Variants in CSNK1G3 observed in about 807,000 individuals in gnomAD.
The protein encoded by CSNK1G3 is casein kinase I isoform gamma-3.
A neutral mutation model predicts 64.3 loss-of-function variants in CSNK1G3; 23 were observed. The observed-to-expected ratio is 0.36, with a 90% CI of 0.26 to 0.51. CSNK1G3 has a LOEUF of 0.51. Ranked by LOEUF, CSNK1G3 falls within the 20% of genes least tolerant of loss-of-function variation. The probability of loss-of-function intolerance (pLI) is 0.96; values close to 1 mark genes in which losing one functional copy is unlikely to be tolerated. For missense variants in CSNK1G3, 357 were observed against 510.5 expected (o/e 0.70, Z 2.90); for synonymous variants, 158 against 162.2 (o/e 0.97, Z 0.20).
chr5:123,567,747 T>C (rs970517405), intron 4 of CSNK1G3, among the ~76,000 whole-genome samples: 2 of 152,228 alleles, frequency 1.3e-5, no homozygotes, highest in Admixed American at 6.5e-5. Flanking sequence ...TTCCGTAATA[T>C]GGGTATGACA....
intron 6 of CSNK1G3, 41 bp from the exon 7 acceptor site, chr5:123,588,027 T>A (rs761799001): frequency 7.8e-7 from 1 of 1,285,746 alleles, no homozygotes; most frequent in Non-Finnish European, 1.1e-6. Flanking sequence ...CATTCTTAAC[T>A]GTTAGAGAAA....
intron 1 of CSNK1G3, among the ~76,000 whole-genome samples, chr5:123,525,816 AC>A (rs1778952119): frequency 6.6e-6 from 1 of 150,654 alleles, no homozygotes; most frequent in African/African-American, 2.4e-5. Flanking sequence ...ACATGGTGAA[AC>A]CCCGTCTCTA....
intron 6 of CSNK1G3, among the ~76,000 whole-genome samples, chr5:123,581,981 C>G (rs1179594836): frequency 1.3e-5 from 2 of 151,852 alleles, no homozygotes; most frequent in African/African-American, 2.4e-5. Context: ...GCCAACATGT[C>G]TTTTGGCCTC....
At chr5:123,528,785 T>G (rs1779462424) in intron 1 of CSNK1G3, among the ~76,000 whole-genome samples, 1 of 152,208 alleles carries the variant, frequency 6.6e-6, no homozygotes, top group African/African-American at 2.4e-5. Context: ...CCTCACCAAT[T>G]AGAATTTATT....
chr5:123,548,154 C>T lies in CSNK1G3; in HGVS notation c.178+2313C>T, dbSNP rs554145700. Among the ~76,000 whole-genome samples, 4 of 152,076 alleles carry T rather than the reference C, an allele frequency of 2.6e-5. No individual in the cohort carries two copies. The South Asian group carries it at 6.2e-4, about 24-fold the overall frequency. Reference sequence around the variant, plus strand: ...GAATACTGTCCCAGACATTGCAGGGCATTTAAAACTTGAGACTTGTGGTGC... The same window carrying T: ...GAATACTGTCCCAGACATTGCAGGGTATTTAAAACTTGAGACTTGTGGTGC... On this transcript the variant is annotated intron_variant, in intron 2 of 12. Coordinates refer to ENST00000345990, the Ensembl canonical transcript of CSNK1G3.
intron 10 of CSNK1G3, among the ~76,000 whole-genome samples, chr5:123,594,320 A>G (rs1384768094): frequency 6.6e-6 from 1 of 152,178 alleles, no homozygotes; most frequent in Non-Finnish European, 1.5e-5. Context: ...ATATTTGCCA[A>G]GGGATCTAAA....
chr5:123,573,310 A>C (rs1788485298), intron 4 of CSNK1G3, 83 bp from the exon 5 acceptor site: 1 of 1,441,278 alleles, frequency 6.9e-7, no homozygotes, highest in African/African-American at 1.4e-5. Flanking sequence ...TGAAACTATA[A>C]AATTTTAAAT....
chr5:123,598,479 G>A (rs1346343444), intron 10 of CSNK1G3, among the ~76,000 whole-genome samples: 2 of 152,156 alleles, frequency 1.3e-5, no homozygotes, highest in South Asian at 2.1e-4. Flanking sequence ...TAACCTGGAT[G>A]AGTCAAGACT....
chr5:123,514,213 T>C (rs961008988), intron 1 of CSNK1G3, among the ~76,000 whole-genome samples: 1 of 152,212 alleles, frequency 6.6e-6, no homozygotes, highest in South Asian at 2.1e-4. Context: ...GACATTTTTT[T>C]GGGGATCTTG....
At chr5:123,596,792 CAAAG>C (rs1793525818) in intron 10 of CSNK1G3, among the ~76,000 whole-genome samples, 1 of 151,984 alleles carries the variant, frequency 6.6e-6, no homozygotes, top group Non-Finnish European at 1.5e-5. Context: ...ATAGGTAAAA[CAAAG>C]AATAGTATTT....
intron 1 of CSNK1G3, among the ~76,000 whole-genome samples, chr5:123,527,372 A>G (rs529470016): frequency 1.3e-5 from 2 of 152,268 alleles, no homozygotes; most frequent in African/African-American, 4.8e-5. Context: ...TTGGAGGAAG[A>G]AGTCTCTTGA....
chr5:123,513,866 T>A (rs1400913814), intron 1 of CSNK1G3, among the ~76,000 whole-genome samples: 1 of 152,200 alleles, frequency 6.6e-6, no homozygotes, highest in South Asian at 2.1e-4. Flanking sequence ...AAATCAGATC[T>A]GGTGTGTGAC....
At chr5:123,573,070 C>G (rs555639830) in intron 4 of CSNK1G3, among the ~76,000 whole-genome samples, 232 of 152,260 alleles carry the variant, frequency 1.5e-3, no homozygotes, top group African/African-American at 5.3e-3. Context: ...ATGTGCTAAG[C>G]CTTTCTCCAG....
chr5:123,532,741 C>A (rs1298573062), intron 1 of CSNK1G3, among the ~76,000 whole-genome samples: 1 of 151,862 alleles, frequency 6.6e-6, no homozygotes, highest in Non-Finnish European at 1.5e-5. Flanking sequence ...TCAAATTTCA[C>A]AGTGTTTTTT....
intron 6 of CSNK1G3, among the ~76,000 whole-genome samples, chr5:123,581,834 A>G (rs1003873297): frequency 6.6e-6 from 1 of 152,002 alleles, no homozygotes; most frequent in Admixed American, 6.6e-5. Context: ...AAGGAAATAT[A>G]GTGAACCTTT....
At chr5:123,547,166 A>G (rs1192672233) in intron 2 of CSNK1G3, among the ~76,000 whole-genome samples, 1 of 152,132 alleles carries the variant, frequency 6.6e-6, no homozygotes, top group Non-Finnish European at 1.5e-5. Flanking sequence ...GGTAAAATAT[A>G]AAAATAGTGC....
intron 12 of CSNK1G3, among the ~76,000 whole-genome samples, chr5:123,613,844 A>G (rs558324688): frequency 6.6e-6 from 1 of 152,334 alleles, no homozygotes; most frequent in South Asian, 2.1e-4. Flanking sequence ...AGAATTCAAA[A>G]TTGCCAGTCT....
intron 2 of CSNK1G3, among the ~76,000 whole-genome samples, chr5:123,551,320 T>C (rs1783595732): frequency 6.6e-6 from 1 of 152,186 alleles, no homozygotes; most frequent in Non-Finnish European, 1.5e-5. Context: ...AAAATGTATA[T>C]GAAGGCACAT....
intron 4 of CSNK1G3, among the ~76,000 whole-genome samples, chr5:123,560,505 A>G (rs183502927): frequency 4.8e-4 from 73 of 152,304 alleles, no homozygotes; most frequent in African/African-American, 1.6e-3. Flanking sequence ...AAAATGTGGT[A>G]TATACATAAG....
Sources: allele counts gnomAD v4.1 joint callset (sites outside exome capture counted in the v4.1 genomes callset), GRCh38; gene constraint gnomAD v4.1.1; transcripts MANE v1.5; gene names NCBI Gene and HGNC (gene_info 2026-07-23, HGNC 2026-07-21).